TRMT11: variants seen among roughly 807,000 people sequenced by gnomAD.
The protein encoded by TRMT11 is tRNA (guanine(10)-N(2))-methyltransferase TRMT11.
A neutral mutation model predicts 62.8 loss-of-function variants in TRMT11; 53 were observed. The observed-to-expected ratio is 0.84, with a 90% CI of 0.68 to 1.06. The LOEUF is 1.06. Among genes scored for constraint, TRMT11 ranks in the 50% least tolerant of loss-of-function variants. TRMT11 has a pLI of 0.00. For missense variants in TRMT11, 556 were observed against 553.4 expected (o/e 1.00, Z -0.05); for synonymous variants, 188 against 190.3 (o/e 0.99, Z 0.10).
At chr6:126,114,568 T>C (rs66745135) in intron 18 of TRMT11, among the ~76,000 whole-genome samples, 15,771 of 152,126 alleles carry the variant, frequency 0.1, 1,033 homozygotes, top group African/African-American at 0.19. Flanking sequence ...ACAGTGCCTT[T>C]CCCGCAGGGG....
chr6:126,151,863 T>TTTCTTTCTTTCTTTCC (rs1323998793), intron 21 of TRMT11, among the ~76,000 whole-genome samples: 4 of 126,328 alleles, frequency 3.2e-5, no homozygotes, highest in Admixed American at 7.9e-5. Flanking sequence ...TCTTTCTTTC[T>TTTCTTTCTTTCTTTCC]TTCCTTCTTT....
At chr6:126,247,361 A>G in the TRMT11 span, among the ~76,000 whole-genome samples, 153 of 151,846 alleles carry the variant, frequency 1.0e-3, 2 homozygotes, top group Non-Finnish European at 1.7e-3. Context: ...GCACACACAT[A>G]TACACACACA....
chr6:126,019,814 A>G (rs1795563095), intron 11 of TRMT11, among the ~76,000 whole-genome samples: 1 of 152,238 alleles, frequency 6.6e-6, no homozygotes, highest in South Asian at 2.1e-4. Context: ...TCATAAATGC[A>G]TTGCATGAAG....
intron 1 of TRMT11, among the ~76,000 whole-genome samples, chr6:126,185,583 T>G (rs1778517727): frequency 6.6e-6 from 1 of 152,248 alleles, no homozygotes; most frequent in Non-Finnish European, 1.5e-5. Context: ...TGTTCTTCTA[T>G]TCTCTTTCTT....
chr6:126,264,091 C>T, the TRMT11 span, among the ~76,000 whole-genome samples: 1 of 152,050 alleles, frequency 6.6e-6, no homozygotes, highest in African/African-American at 2.4e-5. Flanking sequence ...TTAACACGTG[C>T]CTAGGTGTGG....
chr6:126,045,304 G>A (rs559432474), intron 16 of TRMT11, among the ~76,000 whole-genome samples: 2 of 152,172 alleles, frequency 1.3e-5, no homozygotes, highest in South Asian at 4.1e-4. Context: ...TATGTCAGGC[G>A]CTTGCAATAG....
chr6:126,105,820 G>A (rs1777458469), intron 17 of TRMT11, among the ~76,000 whole-genome samples: 4 of 152,136 alleles, frequency 2.6e-5, no homozygotes, highest in Non-Finnish European at 5.9e-5. Flanking sequence ...TTGTCTGTGA[G>A]GTTTGCACTG....
intron 21 of TRMT11, among the ~76,000 whole-genome samples, chr6:126,155,174 T>C (rs1778102714): frequency 6.6e-6 from 1 of 152,144 alleles, no homozygotes; most frequent in African/African-American, 2.4e-5. Context: ...AATCTTACAA[T>C]CATAGGAGAA....
At chr6:126,012,705 C>A in intron 9 of TRMT11, 66 bp from the exon 10 acceptor site, 1 of 1,189,242 alleles carries the variant, frequency 8.4e-7, no homozygotes, top group Non-Finnish European at 1.2e-6. Context: ...GGCAGCATGG[C>A]TGTTTGCCCT....
intron 21 of TRMT11, among the ~76,000 whole-genome samples, chr6:126,147,921 T>G (rs1347700894): frequency 6.6e-6 from 1 of 151,922 alleles, no homozygotes; most frequent in African/African-American, 2.4e-5. Context: ...AGGGAAGGGA[T>G]AGCATCAGGA....
chr6:126,254,884 A>G, the TRMT11 span, among the ~76,000 whole-genome samples: 1 of 152,204 alleles, frequency 6.6e-6, no homozygotes, highest in Non-Finnish European at 1.5e-5. Context: ...ATAAAAAAAA[A>G]CACCTTTCTA....
At chr6:126,188,916 A>G (rs1398813428) in intron 1 of TRMT11, among the ~76,000 whole-genome samples, 2 of 152,164 alleles carry the variant, frequency 1.3e-5, no homozygotes, top group African/African-American at 4.8e-5. Context: ...TTATATTCAA[A>G]TCAGCCAGCT....
rs150599238 is a variant in TRMT11 at position 126,007,452 on chromosome 6, A to G, written c.680-940A>G. ...AGTTGAAGAATATATTTATGATTTC[A>G]GCTTGACTAGCAGGCCTTCCTAGAG... On this transcript the variant is annotated intron_variant, in intron 7 of 12. Coordinates refer to ENST00000334379, the MANE Select transcript of TRMT11 (RefSeq NM_001031712.3). Among the ~76,000 whole-genome samples, 405 of 152,146 alleles carry G rather than the reference A, an allele frequency of 2.7e-3. 1 individual carries two copies. Among genetic ancestry groups the G allele is most frequent in the African/African-American group, 9.1e-3 (377 of 41,538 alleles).
intron 12 of TRMT11, among the ~76,000 whole-genome samples, chr6:126,032,794 T>C (rs1172661112): frequency 6.6e-6 from 1 of 152,192 alleles, no homozygotes; most frequent in Non-Finnish European, 1.5e-5. Flanking sequence ...AATAAATATT[T>C]ATGGAAAGAA....
chr6:126,186,990 C>A (rs1778535056), intron 1 of TRMT11, among the ~76,000 whole-genome samples: 1 of 151,852 alleles, frequency 6.6e-6, no homozygotes, highest in African/African-American at 2.4e-5. Flanking sequence ...CCAATAAAGT[C>A]ATCTATAAAA....
At chr6:126,079,288 A>C (rs750825105) in intron 17 of TRMT11, among the ~76,000 whole-genome samples, 2 of 152,164 alleles carry the variant, frequency 1.3e-5, no homozygotes, top group Non-Finnish European at 2.9e-5. Context: ...TTGGCTCATG[A>C]AACTTCTGCA....
chr6:126,155,202 CAT>C (rs992529867), intron 21 of TRMT11, among the ~76,000 whole-genome samples: 1 of 152,170 alleles, frequency 6.6e-6, no homozygotes, highest in African/African-American at 2.4e-5. Flanking sequence ...GGGGAGCAGG[CAT>C]TTTATATGGC....
chr6:126,109,655 G>T (rs1249743865), intron 17 of TRMT11, among the ~76,000 whole-genome samples: 1 of 152,182 alleles, frequency 6.6e-6, no homozygotes, highest in Non-Finnish European at 1.5e-5. Context: ...TGCTTAAGAA[G>T]CTTTGGGTAT....
At chr6:125,987,696 G>GCC (rs1789890544) in intron 1 of TRMT11, among the ~76,000 whole-genome samples, 4 of 152,200 alleles carry the variant, frequency 2.6e-5, no homozygotes, top group Admixed American at 6.5e-5. Flanking sequence ...AGGCCATACA[G>GCC]TCATTAAGGC....
Sources: gnomAD v4.1 joint callset for allele counts (sites outside exome capture counted in the v4.1 genomes callset) on GRCh38, gnomAD v4.1.1 for gene constraint, MANE v1.5 for transcripts, NCBI Gene and HGNC (gene_info 2026-07-23, HGNC 2026-07-21) for gene names.